Variants in ASAP1 observed in about 807,000 individuals in gnomAD.
ASAP1 encodes the protein ArfGAP with SH3 domain, ankyrin repeat and PH domain 1, also known as arf-GAP with SH3 domain, ANK repeat and PH domain-containing protein 1.
Under a neutral mutation model 145.2 loss-of-function variants are expected in ASAP1, and 43 were observed. That is an observed-to-expected ratio of 0.30 (90% CI 0.23 to 0.38). ASAP1 has a LOEUF of 0.38. Ranked by LOEUF, ASAP1 falls within the 10% of genes least tolerant of loss-of-function variation. ASAP1 has a pLI of 1.00. For synonymous variants in ASAP1, 546 were observed against 515.5 expected (o/e 1.06, Z -0.80); for missense variants, 1,018 against 1,355.3 (o/e 0.75, Z 3.91).
rs1258938375 is a variant in ASAP1, at chr8:130,188,167, T to C, written c.422A>G (p.His141Arg). 6.2e-7 allele frequency: 1 copy of C among 1,613,796 alleles called. No individual in the cohort carries two copies. The highest frequency in any genetic ancestry group is 1.3e-5 in the African/African-American group (1 of 74,924). ...AGAATCCAAGGTGAAGATCACATTG[T>C]GGCTCAAACCCTGGAGCTGAAAAAG... ...LLKNLLQGLS[H>R]NVIFTLDSLL... The change falls in exon 6 of 30, where the codon CAC (histidine) becomes CGC (arginine). Residue 141 changes from histidine to arginine, a missense_variant. Transcript: ENST00000518721.
At chr8:130,275,277 T>C (rs1379200128) in intron 3 of ASAP1, among the ~76,000 whole-genome samples, 1 of 152,186 alleles carries the variant, frequency 6.6e-6, no homozygotes, top group Non-Finnish European at 1.5e-5. Context: ...AAGTTACAAA[T>C]GGGTGAACAA....
rs2097574443 is a variant in ASAP1, at chr8:130,126,057, A to G, written c.1414T>C (p.Leu472=). 1 of 1,612,456 alleles carries G rather than the reference A, an allele frequency of 6.2e-7. No homozygotes were observed. Among genetic ancestry groups the G allele is most frequent in the South Asian group, 1.1e-5 (1 of 90,416 alleles). The part of the protein sequence containing the change: ...PTWLSTNLGI[L]TCIECSGIHR... ...ATGCCAGAACATTCTATACAGGTCAAAATACCCAAGTTGGTTGAAAGCCAG... is the reference window on the plus strand; with the variant it reads ...ATGCCAGAACATTCTATACAGGTCAGAATACCCAAGTTGGTTGAAAGCCAG... The change falls in exon 17 of 30, where the codon TTG becomes CTG. Residue 472 remains leucine (L), a synonymous_variant. Coordinates refer to ENST00000518721, the MANE Select transcript of ASAP1 (RefSeq NM_018482.4).
At chr8:130,299,611 G>GT (rs1177671958) in intron 3 of ASAP1, among the ~76,000 whole-genome samples, 1 of 152,120 alleles carries the variant, frequency 6.6e-6, no homozygotes, top group Non-Finnish European at 1.5e-5. Context: ...TCCATAAATT[G>GT]TGACAAGATA....
At chr8:130,215,745 AAAC>A (rs969137360) in intron 4 of ASAP1, among the ~76,000 whole-genome samples, 26 of 151,872 alleles carry the variant, frequency 1.7e-4, no homozygotes, top group South Asian at 4.2e-4. Context: ...CTCTGTCTCA[AAAC>A]AACAACAACA....
chr8:130,208,839 G>C (rs1816396903), intron 5 of ASAP1: 1 of 152,154 alleles, frequency 6.6e-6, no homozygotes, highest in Admixed American at 6.5e-5. Context: ...ACTTGGGAAA[G>C]TGTGTCTGCT....
At position 130,052,735 on chromosome 8, in the gene ASAP1, G is replaced by GTTTTTTT. The variant is rs5895032; in HGVS notation, c.*1989_*1995dup. The GTTTTTTT allele has an allele frequency of 4.1e-5, 5 of 122,108 alleles. No individual in the cohort carries two copies. The highest frequency in any genetic ancestry group is 5.4e-4 in the South Asian group (2 of 3,730). The allele number at this position is 122,108 out of a possible 1,614,324, so 7.6% of individuals were successfully genotyped here. ...GCTTTTGTGTTTTTTTTTTGTTTTT[G>GTTTTTTT]TTTTTTTTTTTTTTTTGAAAAAAAC... is the stretch of plus-strand genomic sequence containing the variant. On this transcript the variant is annotated 3_prime_UTR_variant, in exon 30 of 30. Transcript: ENST00000518721.
At chr8:130,302,028 T>A (rs1354304366) in intron 3 of ASAP1, among the ~76,000 whole-genome samples, 2 of 152,220 alleles carry the variant, frequency 1.3e-5, no homozygotes, top group African/African-American at 2.4e-5. Context: ...CTACTAATAT[T>A]CTCTGTGCTT....
intron 24 of ASAP1, among the ~76,000 whole-genome samples, chr8:130,098,612 T>A (rs1392406521): frequency 6.6e-6 from 1 of 152,150 alleles, no homozygotes; most frequent in Non-Finnish European, 1.5e-5. Flanking sequence ...CCTCCCAAAG[T>A]GCCGAGATTA....
At chr8:130,214,876 T>C (rs936425866) in intron 4 of ASAP1, among the ~76,000 whole-genome samples, 175 bp from the exon 5 acceptor site, 1 of 152,158 alleles carries the variant, frequency 6.6e-6, no homozygotes, top group Non-Finnish European at 1.5e-5. Flanking sequence ...TAACTCACTC[T>C]ACTAAGGAAG....
intron 3 of ASAP1, among the ~76,000 whole-genome samples, chr8:130,279,547 C>A (rs570570531): frequency 6.6e-6 from 1 of 152,146 alleles, no homozygotes; most frequent in Admixed American, 6.5e-5. Flanking sequence ...TTGAAACAAG[C>A]GCAGGGTTCA....
At chr8:130,414,409 A>C (rs575988801) in intron 1 of ASAP1, among the ~76,000 whole-genome samples, 3 of 152,362 alleles carry the variant, frequency 2.0e-5, no homozygotes, top group Admixed American at 2.0e-4. Context: ...AGCAGAAGGA[A>C]AAAGCCAGGG....
chr8:130,192,121 C>T (rs1815180397), intron 5 of ASAP1, among the ~76,000 whole-genome samples: 1 of 152,084 alleles, frequency 6.6e-6, no homozygotes, highest in South Asian at 2.1e-4. Context: ...TGCCAACAAT[C>T]ACACACCAAC....
intron 1 of ASAP1, among the ~76,000 whole-genome samples, chr8:130,435,087 C>CT (rs2138807788): frequency 6.6e-6 from 1 of 152,266 alleles, no homozygotes; most frequent in Admixed American, 6.5e-5. Context: ...TCCGAGGCTC[C>CT]TACACTTCCA....
intron 28 of ASAP1, among the ~76,000 whole-genome samples, chr8:130,059,059 T>C (rs1054480407): frequency 1.3e-5 from 2 of 152,194 alleles, no homozygotes; most frequent in Admixed American, 6.5e-5. Flanking sequence ...CCCTTTTGAA[T>C]AGCAGAAGTA....
chr8:130,064,823 T>C (rs1400623680), intron 27 of ASAP1, among the ~76,000 whole-genome samples: 2 of 151,900 alleles, frequency 1.3e-5, no homozygotes, highest in Non-Finnish European at 2.9e-5. Context: ...CCCTCTGGGT[T>C]TGACTGATTT....
intron 17 of ASAP1, 133 bp downstream of exon 17, chr8:130,125,823 T>C: frequency 1.1e-6 from 1 of 879,654 alleles, no homozygotes; most frequent in Non-Finnish European, 1.6e-6. Context: ...ATTTTAAACG[T>C]CTACGCAAAC....
At chr8:130,069,145 G>A (rs1028248741) in intron 27 of ASAP1, among the ~76,000 whole-genome samples, 11 of 152,308 alleles carry the variant, frequency 7.2e-5, no homozygotes, top group East Asian at 1.9e-4. Context: ...AAAGAAAGGG[G>A]AGAGTCATGG....
At chr8:130,169,336 T>G (rs758383368) in intron 9 of ASAP1, among the ~76,000 whole-genome samples, 1 of 152,228 alleles carries the variant, frequency 6.6e-6, no homozygotes, top group South Asian at 2.1e-4. Flanking sequence ...GAAATTACAG[T>G]TGCAGTCCCA....
chr8:130,089,340 G>T (rs77196359), intron 25 of ASAP1, among the ~76,000 whole-genome samples: 1 of 152,156 alleles, frequency 6.6e-6, no homozygotes, highest in African/African-American at 2.4e-5. Flanking sequence ...TTCAGCTTTG[G>T]GGGTGGAGAG....
Sources: allele counts gnomAD v4.1 joint callset (sites outside exome capture counted in the v4.1 genomes callset), GRCh38; gene constraint gnomAD v4.1.1; transcripts MANE v1.5; gene names NCBI Gene and HGNC (gene_info 2026-07-23, HGNC 2026-07-21).